CCDC91: variants seen among roughly 807,000 people sequenced by gnomAD.
The protein encoded by CCDC91 is coiled-coil domain containing 91.
Under a neutral mutation model 63.2 loss-of-function variants are expected in CCDC91, and 48 were observed. The ratio of observed to expected loss-of-function variants is 0.76; its 90% confidence interval spans 0.60 to 0.97. The LOEUF is 0.97. Among genes scored for constraint, CCDC91 ranks in the 50% least tolerant of loss-of-function variants. CCDC91 has a pLI of 0.00. For synonymous variants in CCDC91, 167 were observed against 165.8 expected, an observed-to-expected ratio of 1.01 and a Z score of -0.06; for missense variants, 500 against 494.6, an observed-to-expected ratio of 1.01 and a Z score of -0.10.
intron 3 of CCDC91, among the ~76,000 whole-genome samples, chr12:28,267,115 A>G (rs1435031475): frequency 6.6e-6 from 1 of 151,900 alleles, no homozygotes; most frequent in East Asian, 1.9e-4. Context: ...ATAATGCAAA[A>G]GATATACAGT....
chr12:28,293,956 C>A (rs12372448), intron 3 of CCDC91, among the ~76,000 whole-genome samples: 2 of 151,956 alleles, frequency 1.3e-5, no homozygotes, highest in African/African-American at 4.8e-5. Context: ...AACACACACA[C>A]GCCCAAAATC....
chr12:28,541,888 A>G (rs1251397539), intron 12 of CCDC91, among the ~76,000 whole-genome samples: 5 of 152,122 alleles, frequency 3.3e-5, no homozygotes, highest in Admixed American at 2.6e-4. Context: ...TGTGGAACAT[A>G]TTTATTAATA....
chr12:28,233,198 AT>A, intron 1 of CCDC91, among the ~76,000 whole-genome samples: 1 of 152,026 alleles, frequency 6.6e-6, no homozygotes, highest in Non-Finnish European at 1.5e-5. Flanking sequence ...AAACATTTCG[AT>A]CTCCTCAGAG....
At chr12:28,476,472 G>T (rs1298049162) in intron 11 of CCDC91, among the ~76,000 whole-genome samples, 1 of 152,118 alleles carries the variant, frequency 6.6e-6, no homozygotes, top group Non-Finnish European at 1.5e-5. Context: ...TTAAAGCATT[G>T]TGTAGAGGGA....
chr12:28,521,873 A>G (rs1269561870), intron 12 of CCDC91, among the ~76,000 whole-genome samples: 1 of 152,124 alleles, frequency 6.6e-6, no homozygotes, highest in Non-Finnish European at 1.5e-5. Flanking sequence ...GCTGGATTAC[A>G]CTTATTGATT....
intron 1 of CCDC91, among the ~76,000 whole-genome samples, chr12:28,208,467 T>G (rs1943002179): frequency 6.6e-6 from 1 of 152,202 alleles, no homozygotes; most frequent in Admixed American, 6.5e-5. Flanking sequence ...CCCATGTAAC[T>G]TAACATGCCA....
intron 1 of CCDC91, chr12:28,256,156 C>T (rs1946425969): frequency 6.6e-6 from 1 of 152,002 alleles, no homozygotes; most frequent in East Asian, 1.9e-4. Flanking sequence ...GGTACATGTG[C>T]AGGTTTATTA....
chr12:28,329,754 T>C (rs1941335060), intron 6 of CCDC91, among the ~76,000 whole-genome samples: 1 of 152,152 alleles, frequency 6.6e-6, no homozygotes, highest in Non-Finnish European at 1.5e-5. Flanking sequence ...CTCCTAATGC[T>C]ATCCCTCCCC....
intron 3 of CCDC91, among the ~76,000 whole-genome samples, chr12:28,280,241 T>C (rs1446241312): frequency 6.6e-6 from 1 of 152,200 alleles, no homozygotes; most frequent in Non-Finnish European, 1.5e-5. Context: ...AATAATCTTA[T>C]ACAGTTGAAT....
At chr12:28,245,755 A>C (rs970130750) in intron 1 of CCDC91, among the ~76,000 whole-genome samples, 2 of 152,178 alleles carry the variant, frequency 1.3e-5, no homozygotes, top group African/African-American at 4.8e-5. Context: ...AAGTCAAATT[A>C]AGTACAAAAT....
chr12:28,328,538 G>A (rs1204217528), intron 6 of CCDC91, among the ~76,000 whole-genome samples: 1 of 152,124 alleles, frequency 6.6e-6, no homozygotes, highest in Non-Finnish European at 1.5e-5. Flanking sequence ...AGGAAAAGCT[G>A]ACTCCTTGCA....
At chr12:28,304,791 A>G (rs565684169) in intron 3 of CCDC91, 319 of 428,734 alleles carry the variant, frequency 7.4e-4, no homozygotes, top group Non-Finnish European at 1.0e-3. Flanking sequence ...TTTAAAATAC[A>G]TAATACAAAC....
intron 12 of CCDC91, among the ~76,000 whole-genome samples, chr12:28,519,469 T>C (rs1192980549): frequency 6.6e-6 from 1 of 151,984 alleles, no homozygotes. Flanking sequence ...GAGGAGTCTT[T>C]AGGGTTTTCT....
At chr12:28,368,603 G>A (rs531879411) in intron 7 of CCDC91, among the ~76,000 whole-genome samples, 4 of 152,176 alleles carry the variant, frequency 2.6e-5, no homozygotes, top group African/African-American at 9.6e-5. Flanking sequence ...AATTCTGTCA[G>A]TTTTTACTTC....
intron 12 of CCDC91, among the ~76,000 whole-genome samples, chr12:28,488,966 A>T (rs1202551305): frequency 6.6e-6 from 1 of 151,964 alleles, no homozygotes; most frequent in Non-Finnish European, 1.5e-5. Flanking sequence ...AGTTTAATTG[A>T]AACATACATT....
intron 6 of CCDC91, chr12:28,319,308 T>C (rs1020722401): frequency 2.0e-5 from 3 of 151,992 alleles, no homozygotes; most frequent in Non-Finnish European, 4.4e-5. Context: ...GAAAAAAGTA[T>C]TAATGCCAAA....
chr12:28,276,750 C>T lies in CCDC91; in HGVS notation c.109+17308C>T, dbSNP rs867589732. On this transcript the variant is annotated intron_variant, in intron 3 of 12. Transcript: ENST00000536442. Reference sequence around the variant, plus strand: ...ACTGGTCAAATTTACTTTAGAAAAACTGTTTATTGTTTTGCCCATTGTGAA... The same window carrying T: ...ACTGGTCAAATTTACTTTAGAAAAATTGTTTATTGTTTTGCCCATTGTGAA... 1.3e-3 allele frequency among the ~76,000 whole-genome samples: 197 copies of T among 151,866 alleles called. 1 individual carries two copies. Among genetic ancestry groups the T allele is most frequent in the African/African-American group, 4.7e-3 (193 of 41,432 alleles).
intron 12 of CCDC91, among the ~76,000 whole-genome samples, chr12:28,497,291 T>C (rs1952356112): frequency 6.6e-6 from 1 of 151,528 alleles, no homozygotes; most frequent in Non-Finnish European, 1.5e-5. Flanking sequence ...TCAACTCTGA[T>C]TGTAAGTATA....
At chr12:28,508,354 C>G (rs566465954) in intron 12 of CCDC91, among the ~76,000 whole-genome samples, 15 of 151,814 alleles carry the variant, frequency 9.9e-5, no homozygotes, top group African/African-American at 3.6e-4. Context: ...TCCTCTTATG[C>G]TTGGTTGAAC....
Sources: gnomAD v4.1 joint callset for allele counts (sites outside exome capture counted in the v4.1 genomes callset) on GRCh38, gnomAD v4.1.1 for gene constraint, MANE v1.5 for transcripts, NCBI Gene and HGNC (gene_info 2026-07-23, HGNC 2026-07-21) for gene names.